SVIL: variants seen among roughly 807,000 people sequenced by gnomAD.
The protein encoded by SVIL is archvillin.
Under a neutral mutation model 240.4 loss-of-function variants are expected in SVIL, and 101 were observed. The observed-to-expected ratio is 0.42, with a 90% CI of 0.36 to 0.50. The LOEUF is 0.50. Ranked by LOEUF, SVIL falls within the 20% of genes least tolerant of loss-of-function variation. The probability of loss-of-function intolerance (pLI) is 0.01; values close to 1 mark genes in which losing one functional copy is unlikely to be tolerated. For missense variants in SVIL, 2,512 were observed against 2,818.7 expected, an observed-to-expected ratio of 0.89 and a Z score of 2.46; for synonymous variants, 999 against 1,100.0, an observed-to-expected ratio of 0.91 and a Z score of 1.82.
intron 13 of SVIL, 106 bp from the exon 14 acceptor site, chr10:29,524,821 T>C: frequency 6.5e-7 from 1 of 1,543,276 alleles, no homozygotes; most frequent in Non-Finnish European, 8.7e-7. Context: ...TGCAAAGGGC[T>C]TCTTTTTCCC....
chr10:29,694,203 G>A (rs2132621980), intron 1 of SVIL, among the ~76,000 whole-genome samples: 1 of 150,192 alleles, frequency 6.7e-6, no homozygotes, highest in East Asian at 2.0e-4. Context: ...GAAGCAGCCT[G>A]GGCAACAGAG....
At chr10:29,635,147 G>C (rs548602359), upstream of SVIL, among the ~76,000 whole-genome samples, 49 of 152,246 alleles carry the variant, frequency 3.2e-4, no homozygotes, top group African/African-American at 1.1e-3. Flanking sequence ...TCAGCTTGTT[G>C]TATAGAGAAA....
intron 29 of SVIL, among the ~76,000 whole-genome samples, chr10:29,479,518 G>A (rs1232753476): frequency 2.6e-5 from 4 of 152,326 alleles, no homozygotes; most frequent in Middle Eastern, 3.4e-3. Context: ...CCCACTGGCC[G>A]TGTGCTCAGC....
intron 2 of SVIL, among the ~76,000 whole-genome samples, chr10:29,665,227 CAA>C (rs58164251): frequency 0.01 from 697 of 67,340 alleles, 6 homozygotes; most frequent in African/African-American, 0.033. Context: ...GATCTTGTCT[CAA>C]AAAAAAAAAA....
chr10:29,651,102 C>T (rs1958818877), intron 3 of SVIL, among the ~76,000 whole-genome samples: 2 of 152,116 alleles, frequency 1.3e-5, no homozygotes, highest in South Asian at 4.1e-4. Flanking sequence ...CAAAGAATGG[C>T]ACTCTTCTCC....
chr10:29,653,899 A>T (rs945600687), intron 3 of SVIL, among the ~76,000 whole-genome samples: 10 of 152,188 alleles, frequency 6.6e-5, no homozygotes, highest in African/African-American at 2.4e-4. Flanking sequence ...TTCTAGACTC[A>T]ATTCTATTCT....
chr10:29,555,150 G>T, intron 3 of SVIL, 42 bp from the exon 4 acceptor site: 1 of 1,524,920 alleles, frequency 6.6e-7, no homozygotes, highest in Non-Finnish European at 8.9e-7. Flanking sequence ...GTATTTAGTA[G>T]TCGTGCGCTC....
intron 1 of SVIL, among the ~76,000 whole-genome samples, chr10:29,609,792 C>T (rs1043660221): frequency 6.6e-6 from 1 of 152,224 alleles, no homozygotes; most frequent in Non-Finnish European, 1.5e-5. Flanking sequence ...AGTGGCCAGA[C>T]CCTGTGTTCA....
intron 22 of SVIL, among the ~76,000 whole-genome samples, chr10:29,490,041 A>C (rs1326182373): frequency 6.6e-6 from 1 of 152,192 alleles, no homozygotes; most frequent in African/African-American, 2.4e-5. Flanking sequence ...CTGTTTCAGA[A>C]TGATGGAACC....
chr10:29,562,763 A>T (rs1247691194), intron 3 of SVIL, among the ~76,000 whole-genome samples: 2 of 86,858 alleles, frequency 2.3e-5, no homozygotes, highest in African/African-American at 1.3e-4. Flanking sequence ...TCCGTCTCAA[A>T]AAAAAGAAAA....
intron 6 of SVIL, among the ~76,000 whole-genome samples, chr10:29,547,327 C>T (rs1375369487): frequency 2.0e-5 from 3 of 152,042 alleles, no homozygotes; most frequent in Non-Finnish European, 2.9e-5. Context: ...AGGTATTTTC[C>T]TAATAAATAT....
intron 6 of SVIL, among the ~76,000 whole-genome samples, chr10:29,540,288 CCT>C (rs1229625674): frequency 1.3e-5 from 2 of 152,164 alleles, no homozygotes; most frequent in African/African-American, 4.8e-5. Flanking sequence ...CTGCTACAGC[CCT>C]CTCTCTTCGC....
At chr10:29,600,512 A>G (rs2488682) in intron 1 of SVIL, among the ~76,000 whole-genome samples, 68,637 of 151,988 alleles carry the variant, frequency 0.45, 15,989 homozygotes, top group Non-Finnish European at 0.5. Context: ...CCTCCACATC[A>G]GATGGAGAAA....
rs768105139 is a variant in SVIL, at chr10:29,532,706, G to A, written c.1661C>T (p.Pro554Leu). 1 of 1,614,226 alleles carries A rather than the reference G, an allele frequency of 6.2e-7. No homozygotes were observed. The highest frequency in any genetic ancestry group is 8.5e-7 in the Non-Finnish European group (1 of 1,180,040). The change falls in exon 8 of 38, where the codon CCC becomes CTC. Residue 554 changes from proline to leucine, a missense_variant. Pro to Leu is a moderately conservative substitution (Grantham distance 98, BLOSUM62 -3). Transcript: ENST00000355867. ...ATACTTCAAGGCCTGGAGCTGAGGG[G>A]GGCCTGTGAAATCTGACAGAGAGCG... The part of the protein sequence containing the change: ...RTRSLSDFTG[P>L]PQLQALKYKD...
At chr10:29,581,581 C>A (rs1423990582) in intron 1 of SVIL, among the ~76,000 whole-genome samples, 1 of 152,218 alleles carries the variant, frequency 6.6e-6, no homozygotes, top group Non-Finnish European at 1.5e-5. Flanking sequence ...ACCATGCCAG[C>A]CTTTCTAAAC....
chr10:29,525,480 G>A (rs1237045014), intron 13 of SVIL, among the ~76,000 whole-genome samples: 1 of 152,170 alleles, frequency 6.6e-6, no homozygotes, highest in African/African-American at 2.4e-5. Flanking sequence ...CAGGCTTGGT[G>A]GTGTGCACCT....
At chr10:29,495,512 G>T (rs1948367579) in intron 18 of SVIL, among the ~76,000 whole-genome samples, 1 of 152,230 alleles carries the variant, frequency 6.6e-6, no homozygotes, top group African/African-American at 2.4e-5. Context: ...GATGGCAGGG[G>T]CAGCTGAGAG....
At position 29,473,898 on chromosome 10, in the gene SVIL, C is replaced by G. The variant is rs1307491622; in HGVS notation, c.5469G>C (p.Val1823=). 1.9e-6 allele frequency: 3 copies of G among 1,614,136 alleles called. No homozygotes were observed. The South Asian group carries it at 3.3e-5, about 18-fold the overall frequency. ...YFFWQGRHST[V]SEKGTSALMT... ...TCAGCGCCGACGTGCCCTTCTCACT[C>G]ACGGTGGAGTGCCGGCCTTGCCAGA... The change falls in exon 30 of 38, where the codon GTG becomes GTC. Residue 1823 remains valine, a synonymous_variant. Coordinates refer to ENST00000355867, the MANE Select transcript of SVIL (RefSeq NM_021738.3).
rs1955045171 is a variant in SVIL, at chr10:29,567,193, C to T, written c.-143+2062G>A. On this transcript the variant is annotated intron_variant, in intron 2 of 37. Coordinates refer to ENST00000355867, the MANE Select transcript of SVIL (RefSeq NM_021738.3). Reference sequence around the variant, plus strand: ...TGACAATTTTTCTTTTAAACGTGTCCCGTTAACCTACTTAAATGCCTGCCC... The same window carrying T: ...TGACAATTTTTCTTTTAAACGTGTCTCGTTAACCTACTTAAATGCCTGCCC... Among the ~76,000 whole-genome samples, 4 of 152,006 alleles carry T rather than the reference C, an allele frequency of 2.6e-5. No homozygotes were observed. In the South Asian group the frequency reaches 8.3e-4, roughly 32 times the overall value.
Sources: allele counts gnomAD v4.1 joint callset (sites outside exome capture counted in the v4.1 genomes callset), GRCh38; gene constraint gnomAD v4.1.1; transcripts MANE v1.5; gene names NCBI Gene and HGNC (gene_info 2026-07-23, HGNC 2026-07-21).